Variants in MED27 observed in about 807,000 individuals in gnomAD.
MED27 encodes mediator complex subunit 27, also known as mediator of RNA polymerase II transcription subunit 27.
A neutral mutation model predicts 38.2 loss-of-function variants in MED27; 30 were observed. The observed-to-expected ratio is 0.79, with a 90% CI of 0.59 to 1.07. The LOEUF (loss-of-function observed/expected upper bound fraction) is 1.07. Among genes scored for constraint, MED27 ranks in the 50% least tolerant of loss-of-function variants. The pLI is 0.00. For missense variants in MED27, 289 were observed against 397.5 expected (o/e 0.73, Z 2.32); for synonymous variants, 122 against 153.5 (o/e 0.79, Z 1.52).
chr9:131,868,535 C>T, intron 6 of MED27: 1 of 971,864 alleles, frequency 1.0e-6, no homozygotes, highest in Non-Finnish European at 1.2e-6. Context: ...CTCAGCCTGA[C>T]AAAGTGCTGG....
At chr9:131,983,806 A>T (rs1182062130) in intron 3 of MED27, among the ~76,000 whole-genome samples, 1 of 152,194 alleles carries the variant, frequency 6.6e-6, no homozygotes, top group African/African-American at 2.4e-5. Context: ...TTAATAATTG[A>T]AATTAGCACA....
chr9:132,072,602 T>C (rs1451521409), intron 2 of MED27, among the ~76,000 whole-genome samples: 1 of 152,032 alleles, frequency 6.6e-6, no homozygotes, highest in African/African-American at 2.4e-5. Context: ...GGTTCAAGGC[T>C]AACCAGGGCA....
chr9:131,881,512 A>G (rs1839039480), intron 6 of MED27, among the ~76,000 whole-genome samples: 1 of 152,178 alleles, frequency 6.6e-6, no homozygotes, highest in Non-Finnish European at 1.5e-5. Flanking sequence ...TCAGTTGGGT[A>G]AAGGGTGTTA....
chr9:131,994,950 T>G (rs1336879971), intron 3 of MED27, among the ~76,000 whole-genome samples: 3 of 152,074 alleles, frequency 2.0e-5, no homozygotes, highest in African/African-American at 7.2e-5. Flanking sequence ...CCATGGCAGC[T>G]GCATTACAAA....
intron 4 of MED27, among the ~76,000 whole-genome samples, chr9:131,926,506 G>A (rs545868295): frequency 5.9e-5 from 9 of 152,334 alleles, no homozygotes; most frequent in South Asian, 2.1e-4. Flanking sequence ...CCCTCTAGCC[G>A]TCCTGGCCTC....
chr9:131,940,359 T>C (rs1488918477), intron 3 of MED27, among the ~76,000 whole-genome samples: 1 of 152,242 alleles, frequency 6.6e-6, no homozygotes, highest in Non-Finnish European at 1.5e-5. Flanking sequence ...TAGTGGCTCA[T>C]GACTACATTT....
chr9:131,876,878 TTCTA>T (rs1838944230), intron 6 of MED27, among the ~76,000 whole-genome samples: 1 of 152,222 alleles, frequency 6.6e-6, no homozygotes, highest in Admixed American at 6.5e-5. Context: ...GTCCCCTCAG[TTCTA>T]TCTGTTTGGG....
chr9:132,057,128 T>C (rs916549572), intron 2 of MED27, among the ~76,000 whole-genome samples: 3 of 152,180 alleles, frequency 2.0e-5, no homozygotes, highest in Non-Finnish European at 2.9e-5. Flanking sequence ...TAATGCCTCC[T>C]TTTTGTTCAC....
intron 4 of MED27, among the ~76,000 whole-genome samples, chr9:131,927,601 G>C (rs748602009): frequency 9.8e-5 from 15 of 152,294 alleles, no homozygotes; most frequent in Middle Eastern, 3.4e-3. Context: ...CAATTGTGAA[G>C]GGGCCTCCAG....
Position 132,061,921 on chromosome 9 carries a change from GA to G in MED27, c.348+15520del, listed in dbSNP as rs1462428391. Among the ~76,000 whole-genome samples, 3 of 152,028 alleles carry G rather than the reference GA, an allele frequency of 2.0e-5. No individual in the cohort carries two copies. In the South Asian group the frequency reaches 6.2e-4, roughly 31 times the overall value. ...GTATCCCCAAACTAGTTTTAAAAAAGAAAAAAACAAGCCTTAATATGCATGC... is the reference window on the plus strand; with the variant it reads ...GTATCCCCAAACTAGTTTTAAAAAAGAAAAAACAAGCCTTAATATGCATGC... On this transcript the variant is annotated intron_variant, in intron 2 of 7. Coordinates refer to ENST00000292035, the MANE Select transcript of MED27 (RefSeq NM_004269.4).
chr9:131,870,243 C>T (rs145137237), intron 6 of MED27, among the ~76,000 whole-genome samples: 116 of 152,356 alleles, frequency 7.6e-4, no homozygotes, highest in African/African-American at 2.6e-3. Context: ...AGCTGGTCTA[C>T]GCTGCACAGC....
At chr9:132,031,513 A>G (rs1438080962) in intron 2 of MED27, among the ~76,000 whole-genome samples, 1 of 152,160 alleles carries the variant, frequency 6.6e-6, no homozygotes. Context: ...AAGAGCTAAA[A>G]GAGTTAAGAG....
At chr9:132,045,169 T>C (rs921331604) in intron 2 of MED27, among the ~76,000 whole-genome samples, 3 of 151,952 alleles carry the variant, frequency 2.0e-5, no homozygotes, top group African/African-American at 7.3e-5. Context: ...ATTAATAGAT[T>C]TAAGGAAAAC....
At chr9:131,918,638 C>G (rs1486078371) in intron 4 of MED27, among the ~76,000 whole-genome samples, 3 of 151,772 alleles carry the variant, frequency 2.0e-5, no homozygotes, top group Non-Finnish European at 2.9e-5. Flanking sequence ...AATGCCCAAG[C>G]ATTTTTTTTT....
At chr9:132,060,913 C>T (rs1279512505) in intron 2 of MED27, among the ~76,000 whole-genome samples, 1 of 152,204 alleles carries the variant, frequency 6.6e-6, no homozygotes, top group African/African-American at 2.4e-5. Context: ...CACACCACTG[C>T]ACTCCAGCCT....
intron 2 of MED27, among the ~76,000 whole-genome samples, chr9:132,066,524 G>T (rs757456670): frequency 2.0e-5 from 3 of 152,224 alleles, no homozygotes; most frequent in Non-Finnish European, 4.4e-5. Context: ...TGATGTGAGG[G>T]TCTTAGGGAG....
chr9:131,945,148 TTA>T (rs965632776), intron 3 of MED27, among the ~76,000 whole-genome samples: 3 of 146,992 alleles, frequency 2.0e-5, no homozygotes, highest in African/African-American at 7.4e-5. Context: ...TATAAAAAAT[TTA>T]TATATATATA....
intron 3 of MED27, among the ~76,000 whole-genome samples, chr9:131,971,711 TG>T (rs987768460): frequency 2.0e-5 from 3 of 151,240 alleles, no homozygotes; most frequent in Non-Finnish European, 4.4e-5. Flanking sequence ...AGACTGGGAG[TG>T]GGGGGCGGGG....
chr9:132,027,491 T>C (rs1832849615), intron 2 of MED27, among the ~76,000 whole-genome samples: 1 of 152,266 alleles, frequency 6.6e-6, no homozygotes, highest in Non-Finnish European at 1.5e-5. Flanking sequence ...CACACTCGTG[T>C]GCACACACCT....
Sources: allele counts gnomAD v4.1 joint callset (sites outside exome capture counted in the v4.1 genomes callset), GRCh38; gene constraint gnomAD v4.1.1; transcripts MANE v1.5; gene names NCBI Gene and HGNC (gene_info 2026-07-23, HGNC 2026-07-21).